EGFL6: variants seen among roughly 807,000 people sequenced by gnomAD.
EGFL6 encodes epidermal growth factor-like protein 6.
A neutral mutation model predicts 43.1 loss-of-function variants in EGFL6; 42 were observed. The ratio of observed to expected loss-of-function variants is 0.98; its 90% CI spans 0.76 to 1.26. The LOEUF (loss-of-function observed/expected upper bound fraction) is 1.26. Ranked by LOEUF, EGFL6 falls within the 50% of genes most tolerant of loss-of-function variation. The probability of loss-of-function intolerance (pLI) is 0.00; values close to 1 mark genes in which losing one functional copy is unlikely to be tolerated. For synonymous variants in EGFL6, 164 were observed against 163.2 expected, an observed-to-expected ratio of 1.01 and a Z score of -0.04; for missense variants, 429 against 427.8, an observed-to-expected ratio of 1.00 and a Z score of -0.02.
At chrX:13,618,763 G>A (rs1437786646) in intron 8 of EGFL6, among the ~76,000 whole-genome samples, 1 of 110,827 alleles carries the variant, frequency 9.0e-6, no homozygotes, top group African/African-American at 3.3e-5. Context: ...CTCTGTGACT[G>A]GTGGTCATAT....
intron 11 of EGFL6, among the ~76,000 whole-genome samples, chrX:13,632,215 CA>C (rs566486188): frequency 2.9e-4 from 21 of 71,339 alleles, no homozygotes; most frequent in South Asian, 2.7e-3. Context: ...GACTCCGTCT[CA>C]AAAAAAAAAA....
chrX:13,603,115 A>G (rs2045642326), intron 4 of EGFL6, among the ~76,000 whole-genome samples: 1 of 111,709 alleles, frequency 9.0e-6, no homozygotes, highest in Non-Finnish European at 1.9e-5. Context: ...GCAGACCATG[A>G]GTAGGATTCA....
At chrX:13,621,153 A>C (rs2045746334) in intron 9 of EGFL6, among the ~76,000 whole-genome samples, 1 of 112,399 alleles carries the variant, frequency 8.9e-6, no homozygotes. Context: ...TTTGTGTGCA[A>C]GTGGTTTATG....
intron 3 of EGFL6, 95 bp from the exon 4 acceptor site, chrX:13,599,880 C>A: frequency 2.0e-6 from 2 of 993,972 alleles, no homozygotes; most frequent in African/African-American, 1.9e-5. Context: ...GGGAAGCTAA[C>A]CCAGTTGTCC....
rs1569199699 is a variant in EGFL6 at position 13,569,940 on chromosome X, GTGTC to G, written c.74+8_74+11del. On this transcript the variant is annotated splice_donor_region_variant and intron_variant, in intron 1 of 11. Coordinates refer to ENST00000361306, the MANE Select transcript of EGFL6 (RefSeq NM_015507.4). ...TGGTTTCGGGAACGCGGCCAGGTGA[GTGTC>G]TGACTGGCGATTGGCTTCCCCCCAC... 2.5e-6 allele frequency: 3 copies of G among 1,210,412 alleles called. No homozygotes were observed. The highest frequency in any genetic ancestry group is 3.0e-5 in the East Asian group (1 of 33,819).
chrX:13,606,462 T>C lies in EGFL6; in HGVS notation c.604T>C (p.Cys202Arg). 1 of 1,211,444 alleles carries C rather than the reference T, an allele frequency of 8.3e-7. No individual in the cohort carries two copies. The highest frequency in any genetic ancestry group is 1.1e-6 in the Non-Finnish European group (1 of 895,098). The change falls in exon 6 of 12, where the codon TGT becomes CGT. Residue 202 changes from cysteine (C) to arginine (R), a missense_variant. Cys to Arg is a radical substitution (Grantham distance 180). Transcript: ENST00000361306. Reference protein sequence around the residue: ...VNTFGSYYCKCHIGFELQYIS... With the variant: ...VNTFGSYYCKRHIGFELQYIS... Reference sequence around the variant, plus strand: ...CACATTTGGAAGCTACTACTGCAAATGTCACATTGGTTTCGAACTGCAATA... The same window carrying C: ...CACATTTGGAAGCTACTACTGCAAACGTCACATTGGTTTCGAACTGCAATA...
intron 7 of EGFL6, among the ~76,000 whole-genome samples, chrX:13,613,945 C>A (rs2045705704): frequency 9.0e-6 from 1 of 111,262 alleles, no homozygotes; most frequent in Admixed American, 9.5e-5. Context: ...GGAGGTATGG[C>A]CTGGGAATTT....
chrX:13,625,707 T>G (rs2045775044), intron 10 of EGFL6, among the ~76,000 whole-genome samples: 1 of 104,424 alleles, frequency 9.6e-6, no homozygotes, highest in African/African-American at 3.5e-5. Context: ...AAATAAAAAA[T>G]AAAACACAAA....
chrX:13,599,089 T>C (rs997669729), intron 3 of EGFL6, among the ~76,000 whole-genome samples: 1 of 109,755 alleles, frequency 9.1e-6, no homozygotes, highest in African/African-American at 3.3e-5. Context: ...CCAAGGCAAT[T>C]TGGCCAGTGC....
intron 7 of EGFL6, among the ~76,000 whole-genome samples, chrX:13,616,004 T>C (rs900240894): frequency 1.8e-5 from 2 of 112,073 alleles, no homozygotes; most frequent in African/African-American, 3.2e-5. Context: ...CTAAACTATG[T>C]CCAAATAATA....
At chrX:13,589,864 T>G (rs1440571454) in intron 2 of EGFL6, among the ~76,000 whole-genome samples, 196 bp downstream of exon 2, 3 of 112,893 alleles carry the variant, frequency 2.7e-5, no homozygotes, top group Non-Finnish European at 3.7e-5. Context: ...CTTGGCATGA[T>G]TTATTTTAGA....
At chrX:13,609,771 A>G (rs1416226356) in intron 7 of EGFL6, among the ~76,000 whole-genome samples, 3 of 111,321 alleles carry the variant, frequency 2.7e-5, no homozygotes, top group Non-Finnish European at 5.7e-5. Flanking sequence ...TAAAAAATAA[A>G]TAAATAAATA....
chrX:13,585,756 C>CT (rs59940010), intron 1 of EGFL6, among the ~76,000 whole-genome samples: 29,577 of 110,322 alleles, frequency 0.27, 3,012 homozygotes, highest in East Asian at 0.63. Flanking sequence ...GAATTTCCCC[C>CT]ATACAGCTTT....
chrX:13,627,113 G>A lies in EGFL6; in HGVS notation c.1388G>A (p.Cys463Tyr), dbSNP rs781079764. The A allele has an allele frequency of 1.7e-6, 2 of 1,212,038 alleles. No individual in the cohort carries two copies. Among genetic ancestry groups the A allele is most frequent in the South Asian group, 3.5e-5 (2 of 57,008 alleles). Residue 463 changes from cysteine (C) to tyrosine (Y), a missense_variant, in exon 11 of 12, where the codon TGT becomes TAT. Transcript: ENST00000361306. ...GACCTGCAACCCCAAAGCAACTTCT[G>A]TTTGCTCTTTGATTACCGGCTGGCC... ...LPDLQPQSNF[C>Y]LLFDYRLAGD...
chrX:13,595,921 C>T (rs1251786606), intron 3 of EGFL6, among the ~76,000 whole-genome samples: 5 of 110,404 alleles, frequency 4.5e-5, no homozygotes, highest in East Asian at 5.7e-4. Flanking sequence ...GGTCCCACTA[C>T]GTTGCCCAGG....
At chrX:13,573,900 G>A (rs1436923303) in intron 1 of EGFL6, among the ~76,000 whole-genome samples, 1 of 112,435 alleles carries the variant, frequency 8.9e-6, no homozygotes. Context: ...CTTGACTCTA[G>A]TTCAGCACAT....
At chrX:13,627,386 A>G in intron 11 of EGFL6, 110 bp downstream of exon 11, 1 of 1,004,598 alleles carries the variant, frequency 1.0e-6, no homozygotes, top group Non-Finnish European at 1.3e-6. Flanking sequence ...TACAACGATA[A>G]GACTTTTTCC....
At chrX:13,605,197 C>T (rs1356683504) in intron 5 of EGFL6, among the ~76,000 whole-genome samples, 2 of 111,377 alleles carry the variant, frequency 1.8e-5, no homozygotes, top group East Asian at 5.6e-4. Flanking sequence ...TAATTTTGTT[C>T]AACCCAACAC....
intron 1 of EGFL6, among the ~76,000 whole-genome samples, chrX:13,582,683 C>A (rs1364084156): frequency 9.0e-6 from 1 of 111,045 alleles, no homozygotes; most frequent in Non-Finnish European, 1.9e-5. Context: ...CATGTGAAAG[C>A]AATAAAGATT....
Sources: allele counts gnomAD v4.1 joint callset (sites outside exome capture counted in the v4.1 genomes callset), GRCh38; gene constraint gnomAD v4.1.1; transcripts MANE v1.5; gene names NCBI Gene and HGNC (gene_info 2026-07-23, HGNC 2026-07-21).